TRAPPC9: variants seen among roughly 807,000 people sequenced by gnomAD.
TRAPPC9 encodes the protein IKK2 binding protein.
A neutral mutation model predicts 124.0 loss-of-function variants in TRAPPC9; 83 were observed. The ratio of observed to expected loss-of-function variants is 0.67; its 90% confidence interval spans 0.56 to 0.80. TRAPPC9 has a LOEUF of 0.80. Ranked by LOEUF, TRAPPC9 falls within the 30% of genes least tolerant of loss-of-function variation. The probability of loss-of-function intolerance (pLI) is 0.00; values close to 1 mark genes in which losing one functional copy is unlikely to be tolerated. For synonymous variants in TRAPPC9, 638 were observed against 617.5 expected, an observed-to-expected ratio of 1.03 and a Z score of -0.49; for missense variants, 1,302 against 1,508.3, an observed-to-expected ratio of 0.86 and a Z score of 2.27.
In TRAPPC9 at chr8:139,984,704, G is replaced by A. The variant is rs1870807; in HGVS notation, c.2810+4022C>T. 0.85 allele frequency among the ~76,000 whole-genome samples: 128,731 copies of A among 152,036 alleles called. 55,050 individuals are homozygous for A. Among genetic ancestry groups the A allele is most frequent in the Middle Eastern group, 0.97 (284 of 294 alleles). ...GGCCGAGTGTGCATCTGACCCACAGGAGGCCGGTGAGGCACTGAGAGAGGT... is the reference window on the plus strand; with the variant it reads ...GGCCGAGTGTGCATCTGACCCACAGAAGGCCGGTGAGGCACTGAGAGAGGT... On this transcript the variant is annotated intron_variant, in intron 19 of 22. Coordinates refer to ENST00000438773, the MANE Select transcript of TRAPPC9 (RefSeq NM_001160372.4). The surrounding 1 kb of genome is among the most constrained non-coding windows in gnomAD (Gnocchi z 4.3).
intron 10 of TRAPPC9, chr8:140,302,835 T>A (rs1312467192): frequency 6.6e-6 from 1 of 152,216 alleles, no homozygotes; most frequent in East Asian, 1.9e-4. Context: ...CTGAGAGAGC[T>A]GGAGAGGGCA....
intron 4 of TRAPPC9, among the ~76,000 whole-genome samples, chr8:140,429,569 G>A (rs1257617388): frequency 6.6e-6 from 1 of 151,394 alleles, no homozygotes; most frequent in East Asian, 1.9e-4. Context: ...GTGTGTAGAG[G>A]CCGAGGTGGG....
chr8:139,808,633 C>G (rs1192445435), intron 21 of TRAPPC9, among the ~76,000 whole-genome samples: 1 of 152,186 alleles, frequency 6.6e-6, no homozygotes, highest in African/African-American at 2.4e-5. Context: ...CCTCCCCACC[C>G]CCTCTGACAA....
chr8:139,991,591 T>TG (rs1427608791), intron 18 of TRAPPC9, among the ~76,000 whole-genome samples: 4 of 151,838 alleles, frequency 2.6e-5, no homozygotes, highest in Non-Finnish European at 5.9e-5. Context: ...TGGGTTTGTT[T>TG]TTTTTTTTTT....
intron 15 of TRAPPC9, among the ~76,000 whole-genome samples, chr8:140,272,707 G>C (rs142261911): frequency 6.6e-6 from 1 of 152,032 alleles, no homozygotes; most frequent in African/African-American, 2.4e-5. Context: ...AGGGCAAAGC[G>C]GGAGCAGGCA....
chr8:140,453,882 C>A (rs3110561), intron 1 of TRAPPC9, among the ~76,000 whole-genome samples: 84,547 of 152,082 alleles, frequency 0.56, 23,692 homozygotes, highest in Non-Finnish European at 0.57. Flanking sequence ...CTGGAGCGCT[C>A]ATGTTTCTCA....
At chr8:139,987,332 C>T (rs949246501) in intron 19 of TRAPPC9, among the ~76,000 whole-genome samples, 39 of 152,076 alleles carry the variant, frequency 2.6e-4, no homozygotes, top group African/African-American at 8.9e-4. Context: ...GACCTTTTTC[C>T]AAAGCAGCTG....
At chr8:140,306,353 G>C (rs2066134898) in intron 10 of TRAPPC9, among the ~76,000 whole-genome samples, 1 of 151,978 alleles carries the variant, frequency 6.6e-6, no homozygotes, top group Non-Finnish European at 1.5e-5. Context: ...AATTAGCCAG[G>C]CATGGTGGCA....
chr8:140,361,724 T>C (rs1217032275), intron 8 of TRAPPC9, among the ~76,000 whole-genome samples: 1 of 152,132 alleles, frequency 6.6e-6, no homozygotes, highest in Non-Finnish European at 1.5e-5. Context: ...ATTTATTAAG[T>C]AAAATTACCT....
At chr8:140,301,666 G>A (rs1323588196) in intron 10 of TRAPPC9, among the ~76,000 whole-genome samples, 2 of 152,236 alleles carry the variant, frequency 1.3e-5, no homozygotes, top group East Asian at 3.9e-4. Context: ...CACTGATCGT[G>A]ATAAATCTAC....
At chr8:140,171,683 G>A (rs916433809) in intron 17 of TRAPPC9, among the ~76,000 whole-genome samples, 1 of 152,176 alleles carries the variant, frequency 6.6e-6, no homozygotes, top group African/African-American at 2.4e-5. Context: ...GCCTGGCAGT[G>A]CATCTGAGGG....
chr8:140,047,386 G>C (rs1841674683), intron 17 of TRAPPC9, among the ~76,000 whole-genome samples: 1 of 152,256 alleles, frequency 6.6e-6, no homozygotes, highest in South Asian at 2.1e-4. Flanking sequence ...AATGCGAAGG[G>C]TATGGAAGTC....
intron 21 of TRAPPC9, among the ~76,000 whole-genome samples, chr8:139,813,177 G>C (rs1341867914): frequency 6.6e-6 from 1 of 152,232 alleles, no homozygotes; most frequent in East Asian, 1.9e-4. Context: ...AGAACATAAA[G>C]AGGAGGCAAA....
At chr8:139,937,877 G>A (rs1354468894) in intron 19 of TRAPPC9, among the ~76,000 whole-genome samples, 5 of 152,156 alleles carry the variant, frequency 3.3e-5, no homozygotes, top group East Asian at 3.9e-4. Flanking sequence ...CTCCACACAC[G>A]CTCTGGTGCC....
intron 21 of TRAPPC9, among the ~76,000 whole-genome samples, chr8:139,798,738 CAT>C (rs1167150940): frequency 6.6e-6 from 1 of 152,214 alleles, no homozygotes; most frequent in Non-Finnish European, 1.5e-5. Context: ...TCTGGGAACA[CAT>C]AACCAGATCT....
chr8:139,813,370 C>T (rs547104315), intron 21 of TRAPPC9, among the ~76,000 whole-genome samples: 60 of 152,318 alleles, frequency 3.9e-4, no homozygotes, highest in African/African-American at 8.4e-4. Flanking sequence ...ACAAGCAACA[C>T]GCTGCAGTGC....
At chr8:140,300,165 GCACACACGCA>G (rs1274032871) in intron 11 of TRAPPC9, among the ~76,000 whole-genome samples, 1 of 152,168 alleles carries the variant, frequency 6.6e-6, no homozygotes, top group Admixed American at 6.5e-5. Context: ...ATGACAGACT[GCACACACGCA>G]CACACACGCA....
chr8:139,926,078 C>T (rs1832801848), intron 19 of TRAPPC9, among the ~76,000 whole-genome samples: 1 of 152,212 alleles, frequency 6.6e-6, no homozygotes, highest in Admixed American at 6.5e-5. Flanking sequence ...CTGAAATTGC[C>T]CAGAAGGCAA....
In TRAPPC9 at chr8:140,084,297, G is replaced by T. The variant is rs1844043657; in HGVS notation, c.2557-60218C>A. Among the ~76,000 whole-genome samples, 11 of 152,030 alleles carry T rather than the reference G, an allele frequency of 7.2e-5. No homozygotes were observed. In the South Asian group the frequency reaches 2.1e-3, roughly 29 times the overall value. On this transcript the variant is annotated intron_variant, in intron 17 of 22. Coordinates refer to ENST00000438773, the MANE Select transcript of TRAPPC9 (RefSeq NM_001160372.4). ...AATAAATCTCTATAAATCTAAAACT[G>T]TCCACTTAAAAATCCTAAATAGATA...
Sources: allele counts gnomAD v4.1 joint callset (sites outside exome capture counted in the v4.1 genomes callset), GRCh38; gene constraint gnomAD v4.1.1; non-coding constraint Gnocchi (gnomAD v3.1); transcripts MANE v1.5; gene names NCBI Gene and HGNC (gene_info 2026-07-23, HGNC 2026-07-21).